Variants in ACADVL observed in about 807,000 individuals in gnomAD.
ACADVL encodes very long-chain acyl-CoA dehydrogenase, mitochondrial.
A neutral mutation model predicts 80.4 loss-of-function variants in ACADVL; 73 were observed. The ratio of observed to expected loss-of-function variants is 0.91; its 90% CI spans 0.75 to 1.10. ACADVL has a LOEUF of 1.10. Ranked by LOEUF, ACADVL falls within the 50% of genes least tolerant of loss-of-function variation. The pLI is 0.00. For missense variants in ACADVL, 878 were observed against 858.9 expected (o/e 1.02, Z -0.28); for synonymous variants, 392 against 326.5 (o/e 1.20, Z -2.16).
At chr17:7,222,115 G>C in intron 8 of ACADVL, 34 bp downstream of exon 8, 1 of 1,614,030 alleles carries the variant, frequency 6.2e-7, no homozygotes, top group South Asian at 1.1e-5. Flanking sequence ...CTTCTCCTCC[G>C]CCCAATTCCA....
chr17:7,224,953 C>G lies in ACADVL; in HGVS notation c.1828-4C>G, dbSNP rs184559206. The G allele has an allele frequency of 3.2e-4, 519 of 1,614,046 alleles. 2 individuals carry two copies. In the African/African-American group the frequency reaches 6.4e-3, roughly 20 times the overall value. ...AGGCCCAACCCCTCCTTCCCTCTCC[C>G]CAGGCTGCAGCTCGGATCCGAGAGG... On this transcript the variant is annotated splice_region_variant and splice_polypyrimidine_tract_variant and intron_variant, in intron 19 of 19. Coordinates refer to ENST00000356839, the MANE Select transcript of ACADVL (RefSeq NM_000018.4).
upstream of ACADVL, chr17:7,218,229 C>A: frequency 6.2e-7 from 1 of 1,606,680 alleles, no homozygotes. Context: ...GCGCTCGCCC[C>A]CACCTCCTTA....
rs1329414728 is a variant in ACADVL, at chr17:7,224,401, G to A, written c.1605+8G>A. ...AGTCGGAGTGGCGAGCTGGTAAGTGGCCAGGGGTCCAGGAGAGCCTGCATC... is the reference window on the plus strand; with the variant it reads ...AGTCGGAGTGGCGAGCTGGTAAGTGACCAGGGGTCCAGGAGAGCCTGCATC... On this transcript the variant is annotated splice_region_variant and intron_variant, in intron 16 of 19. Coordinates refer to ENST00000356839, the MANE Select transcript of ACADVL (RefSeq NM_000018.4). 1 of 1,613,692 alleles carries A rather than the reference G, an allele frequency of 6.2e-7. No individual in the cohort carries two copies.
chr17:7,223,473 C>CCCTTTTAAGAA, intron 11 of ACADVL, 171 bp from the exon 12 acceptor site: 1 of 854,920 alleles, frequency 1.2e-6, no homozygotes. Flanking sequence ...TTACATCCAC[C>CCCTTTTAAGAA]CCTTTTAAGA....
intron 7 of ACADVL, 27 bp from the exon 8 acceptor site, chr17:7,221,925 G>C: frequency 6.2e-7 from 1 of 1,613,988 alleles, no homozygotes; most frequent in Non-Finnish European, 8.5e-7. Flanking sequence ...ATCAGAACTT[G>C]GGGTAAAGTA....
rs1428008149 is a variant in ACADVL at position 7,220,750 on chromosome 17, C to A, written c.278-16C>A. On this transcript the variant is annotated splice_polypyrimidine_tract_variant and intron_variant, in intron 4 of 19. Coordinates refer to ENST00000356839, the MANE Select transcript of ACADVL (RefSeq NM_000018.4). Reference sequence around the variant, plus strand: ...TGCCAGCCTGGCCTGACCAGCCTGTCCCCCACCCTCTGCAGTGCTCAACGA... The same window carrying A: ...TGCCAGCCTGGCCTGACCAGCCTGTACCCCACCCTCTGCAGTGCTCAACGA... 2 of 1,614,146 alleles carry A rather than the reference C, an allele frequency of 1.2e-6. No individual in the cohort carries two copies. The highest frequency in any genetic ancestry group is 1.7e-5 in the Admixed American group (1 of 60,020).
chr17:7,220,449 C>A lies in ACADVL; in HGVS notation c.139-15C>A. On this transcript the variant is annotated splice_polypyrimidine_tract_variant and intron_variant, in intron 2 of 19. Coordinates refer to ENST00000356839, the MANE Select transcript of ACADVL (RefSeq NM_000018.4). ...AAGTCCCTTCCCTGAACTTGCTAACCGTCTCTTTTCCCAGCTGGCTCTGGA... is the reference window on the plus strand; with the variant it reads ...AAGTCCCTTCCCTGAACTTGCTAACAGTCTCTTTTCCCAGCTGGCTCTGGA... The A allele has an allele frequency of 1.9e-6, 3 of 1,614,184 alleles. No individual in the cohort carries two copies. The highest frequency in any genetic ancestry group is 2.5e-6 in the Non-Finnish European group (3 of 1,180,014).
At chr17:7,218,273 C>T, upstream of ACADVL, 1 of 1,609,372 alleles carries the variant, frequency 6.2e-7, no homozygotes, top group Non-Finnish European at 8.5e-7. Flanking sequence ...TCATAATAGT[C>T]CAGGATGTCT....
At position 7,222,253 on chromosome 17, in the gene ACADVL, GAGA is replaced by G. The variant is rs769280599; in HGVS notation, c.833_835del (p.Lys278del). The G allele has an allele frequency of 3.0e-5, 48 of 1,613,012 alleles. No homozygotes were observed. Among genetic ancestry groups the G allele is most frequent in the Middle Eastern group, 1.6e-4 (1 of 6,074 alleles). The stretch of plus-strand genomic sequence containing the variant: ...AGATCCAGCCACAGGAGCCGTGAAG[GAGA>G]AGATCACAGCTTTTGTGGTGGAGAG... On this transcript the variant is annotated inframe_deletion, in exon 9 of 20. Transcript: ENST00000356839.
chr17:7,221,114 A>G, intron 6 of ACADVL, 56 bp downstream of exon 6: 6 of 1,610,796 alleles, frequency 3.7e-6, no homozygotes, highest in African/African-American at 1.3e-5. Context: ...TGGCAGACTC[A>G]GCTCTTTTGC....
At position 7,222,596 on chromosome 17, in the gene ACADVL, G is replaced by A. The variant is rs560512377; in HGVS notation, c.879-71G>A. The A allele has an allele frequency of 5.0e-5, 73 of 1,463,354 alleles. No individual in the cohort carries two copies. In the East Asian group the frequency reaches 1.0e-3, roughly 20 times the overall value. 90.6% of individuals were successfully genotyped at this position (1,463,354 alleles called of 1,614,324 possible). ...CATTCCTCCCTGGTGCATAAGGAGC[G>A]AAGGAGCAGTTTTTCCCCCAGTGAC... is the stretch of plus-strand genomic sequence containing the variant. On this transcript the variant is annotated intron_variant, in intron 9 of 19. Coordinates refer to ENST00000356839, the MANE Select transcript of ACADVL (RefSeq NM_000018.4).
In ACADVL at chr17:7,223,976, A is replaced by G. The variant is rs1484763411; in HGVS notation, c.1341A>G (p.Gly447=). The G allele has an allele frequency of 1.2e-5, 20 of 1,613,914 alleles. No homozygotes were observed. The highest frequency in any genetic ancestry group is 1.7e-5 in the Non-Finnish European group (20 of 1,180,036). Residue 447 remains glycine, a synonymous_variant, in exon 14 of 20, where the codon GGA becomes GGG. Coordinates refer to ENST00000356839, the MANE Select transcript of ACADVL (RefSeq NM_000018.4). ...GTGTGGCCCTGTGCTAGGAACCTGGAGTAGAGCGTGTGCTCCGAGATCTTC... is the reference window on the plus strand; with the variant it reads ...GTGTGGCCCTGTGCTAGGAACCTGGGGTAGAGCGTGTGCTCCGAGATCTTC... The part of the protein sequence containing the change: ...MGGMGFMKEP[G]VERVLRDLRI...
At chr17:7,219,430 A>T (rs1159664418), upstream of ACADVL, 14 of 1,017,080 alleles carry the variant, frequency 1.4e-5, no homozygotes, top group Non-Finnish European at 1.6e-5. Flanking sequence ...CTGTTCCAAG[A>T]GTTAGTGAAT....
At chr17:7,223,280 T>G in intron 11 of ACADVL, 43 bp downstream of exon 11, 4 of 1,549,566 alleles carry the variant, frequency 2.6e-6, no homozygotes, top group Non-Finnish European at 3.6e-6. Flanking sequence ...CCTGGGGCTT[T>G]CTTCCCAGTC....
chr17:7,224,214 G>A lies in ACADVL; in HGVS notation c.1503G>A (p.Leu501=). 6.2e-7 allele frequency: 1 copy of A among 1,614,044 alleles called. No homozygotes were observed. Among genetic ancestry groups the A allele is most frequent in the Non-Finnish European group, 8.5e-7 (1 of 1,180,022 alleles). ...ATCCCTTTGGGAATGCTGGCCTCCT[G>A]CTAGGAGAGGCAGGCAAACAGCTGA... is the stretch of plus-strand genomic sequence containing the variant. ...LKNPFGNAGL[L]LGEAGKQLRR... The change falls in exon 15 of 20, where the codon CTG becomes CTA. Residue 501 remains leucine, a synonymous_variant. Transcript: ENST00000356839.
At chr17:7,224,735 T>C (rs1458720834) in intron 18 of ACADVL, 21 bp downstream of exon 18, 7 of 1,609,124 alleles carry the variant, frequency 4.4e-6, no homozygotes, top group Non-Finnish European at 5.9e-6. Context: ...AGGCAGGGAA[T>C]GCCTGAGCCG....
upstream of ACADVL, chr17:7,219,416 G>A: frequency 7.9e-6 from 8 of 1,017,010 alleles, no homozygotes; most frequent in Non-Finnish European, 9.4e-6. Flanking sequence ...CTGTGAAACT[G>A]TAGCTGTTCC....
At chr17:7,219,111 CAAA>C (rs1427674422), upstream of ACADVL, 1 of 549,610 alleles carries the variant, frequency 1.8e-6, no homozygotes, top group African/African-American at 1.9e-5. Context: ...TCCAGCAGCT[CAAA>C]AAGAAGCTGA....
At chr17:7,221,134 A>G (rs1260844289) in intron 6 of ACADVL, 76 bp downstream of exon 6, 2 of 1,606,092 alleles carry the variant, frequency 1.2e-6, no homozygotes, top group African/African-American at 2.7e-5. Flanking sequence ...CCATAGACCT[A>G]GAGACTAGGG....
Sources: allele counts gnomAD v4.1 joint callset, GRCh38; gene constraint gnomAD v4.1.1; transcripts MANE v1.5; gene names NCBI Gene and HGNC (gene_info 2026-07-23, HGNC 2026-07-21).